RORB: variants seen among roughly 807,000 people sequenced by gnomAD.
RORB encodes the protein nuclear receptor ROR-beta.
Under a neutral mutation model 59.1 loss-of-function variants are expected in RORB, and 6 were observed. The observed-to-expected ratio is 0.10, with a 90% CI of 0.06 to 0.20. RORB has a LOEUF of 0.20. Ranked by LOEUF, RORB falls within the 10% of genes least tolerant of loss-of-function variation. The probability of loss-of-function intolerance (pLI) is 1.00; values close to 1 mark genes in which losing one functional copy is unlikely to be tolerated. For synonymous variants in RORB, 215 were observed against 204.5 expected (o/e 1.05, Z -0.44); for missense variants, 320 against 560.5 (o/e 0.57, Z 4.33).
At chr9:74,648,019 A>G (rs1219882309) in intron 4 of RORB, among the ~76,000 whole-genome samples, 1 of 152,196 alleles carries the variant, frequency 6.6e-6, no homozygotes, top group Admixed American at 6.5e-5. Context: ...AACTCTTGCT[A>G]TATATTTCCT....
chr9:74,540,666 C>T (rs1347663472), intron 1 of RORB, among the ~76,000 whole-genome samples: 1 of 151,626 alleles, frequency 6.6e-6, no homozygotes, highest in Non-Finnish European at 1.5e-5. Flanking sequence ...TTTTAAGCTG[C>T]ATAGTATTAC....
At chr9:74,535,429 G>T (rs949374882) in intron 1 of RORB, among the ~76,000 whole-genome samples, 10 of 151,864 alleles carry the variant, frequency 6.6e-5, no homozygotes, top group African/African-American at 2.4e-4. Context: ...CTGTGCCTAG[G>T]ATGGCAGAAT....
Position 74,688,570 on chromosome 9 carries a change from C to A in RORB, c.*2952C>A. 1 of 145,180 alleles carries A rather than the reference C, an allele frequency of 6.9e-6. No homozygotes were observed. The highest frequency in any genetic ancestry group is 2.4e-4 in the East Asian group (1 of 4,132). The allele number at this position is 145,180 out of a possible 1,614,324, so 9.0% of individuals were successfully genotyped here. On this transcript the variant is annotated 3_prime_UTR_variant, in exon 10 of 10. Coordinates refer to ENST00000376896, the MANE Select transcript of RORB (RefSeq NM_006914.4). ...ATGCAGATGTTGCACTGTATCCACT[C>A]AGGGATGTTTCCTTAAAAAAAAAAA...
In RORB at chr9:74,690,258, T is replaced by A. The variant is rs1824718837; in HGVS notation, c.*4640T>A. Reference sequence around the variant, plus strand: ...CTTTCAAAAAAAAGCTGACACTCTATTCATTTTTGGGTCTCAGGACCAGAG... The same window carrying A: ...CTTTCAAAAAAAAGCTGACACTCTAATCATTTTTGGGTCTCAGGACCAGAG... On this transcript the variant is annotated 3_prime_UTR_variant, in exon 10 of 10. Transcript: ENST00000376896. The A allele has an allele frequency of 6.6e-6, 1 of 152,136 alleles. No individual in the cohort carries two copies. Among genetic ancestry groups the A allele is most frequent in the Admixed American group, 6.6e-5 (1 of 15,258 alleles). 9.4% of individuals were successfully genotyped at this position (152,136 alleles called of 1,614,324 possible). A position where few individuals can be genotyped will look rare whatever the true frequency, so the allele number is the denominator to read the frequency against.
chr9:74,622,227 G>A (rs1204588107), intron 1 of RORB, among the ~76,000 whole-genome samples: 2 of 152,024 alleles, frequency 1.3e-5, no homozygotes, highest in Non-Finnish European at 2.9e-5. Context: ...ACTAAATGTA[G>A]GCTAGAGAAA....
chr9:74,511,404 G>A (rs1473509992), intron 1 of RORB, among the ~76,000 whole-genome samples: 1 of 151,990 alleles, frequency 6.6e-6, no homozygotes, highest in Non-Finnish European at 1.5e-5. Flanking sequence ...ATCACCCCTT[G>A]ATATTAACAT....
intron 1 of RORB, among the ~76,000 whole-genome samples, chr9:74,564,707 C>T (rs1822444714): frequency 6.6e-6 from 1 of 151,994 alleles, no homozygotes; most frequent in Admixed American, 6.6e-5. Context: ...ATTTAAGTCT[C>T]CTTTTTAAAA....
intron 1 of RORB, among the ~76,000 whole-genome samples, chr9:74,569,681 C>T (rs924530598): frequency 3.3e-5 from 5 of 151,804 alleles, no homozygotes; most frequent in African/African-American, 1.2e-4. Flanking sequence ...AAATAATCTA[C>T]AAAATTAAAA....
chr9:74,642,097 AT>A (rs1428684776), intron 3 of RORB, among the ~76,000 whole-genome samples: 2 of 151,970 alleles, frequency 1.3e-5, no homozygotes, highest in African/African-American at 4.8e-5. Flanking sequence ...GGTTTTTTGC[AT>A]TTTTTTCCAC....
intron 1 of RORB, among the ~76,000 whole-genome samples, chr9:74,576,893 G>A (rs563698163): frequency 5.9e-5 from 9 of 152,184 alleles, no homozygotes; most frequent in Middle Eastern, 3.4e-3. Flanking sequence ...TGGGGAAACC[G>A]TGGCAGTAAT....
intron 6 of RORB, 48 bp downstream of exon 6, chr9:74,662,654 C>T (rs1022896641): frequency 1.9e-6 from 3 of 1,597,084 alleles, no homozygotes; most frequent in Admixed American, 3.3e-5. Context: ...AGGATGTGGT[C>T]AGCCCTTAGC....
intron 4 of RORB, among the ~76,000 whole-genome samples, chr9:74,645,342 C>T (rs1362030070): frequency 6.6e-6 from 1 of 152,130 alleles, no homozygotes; most frequent in African/African-American, 2.4e-5. Context: ...AATATTAAAT[C>T]CTTGACAGTA....
rs558818196 is a variant in RORB at position 74,692,709 on chromosome 9, C to G, written c.*7091C>G. On this transcript the variant is annotated 3_prime_UTR_variant, in exon 10 of 10. Transcript: ENST00000376896. The stretch of plus-strand genomic sequence containing the variant: ...CTACTTTTTTAAAAGAATAATGTCT[C>G]TTATAGTCACCATTGATTTTTCTGG... The G allele has an allele frequency of 6.6e-6, 1 of 152,174 alleles. No homozygotes were observed. Among genetic ancestry groups the G allele is most frequent in the Admixed American group, 6.5e-5 (1 of 15,276 alleles). The allele number at this position is 152,174 out of a possible 1,614,324, so 9.4% of individuals were successfully genotyped here. A position where few individuals can be genotyped will look rare whatever the true frequency, so the allele number is the denominator to read the frequency against.
chr9:74,676,717 C>G (rs1824448731), intron 9 of RORB, among the ~76,000 whole-genome samples: 1 of 152,218 alleles, frequency 6.6e-6, no homozygotes, highest in African/African-American at 2.4e-5. Context: ...CTCTCTCTTT[C>G]TTCGTATTTC....
In RORB at chr9:74,687,860, G is replaced by T. The variant is rs972464118; in HGVS notation, c.*2242G>T. The stretch of plus-strand genomic sequence containing the variant: ...GTTTTATGATTGGCTTGTGATAGGC[G>T]ATGCTTCATGTGTCTACTTGGTGTT... On this transcript the variant is annotated 3_prime_UTR_variant, in exon 10 of 10. Coordinates refer to ENST00000376896, the MANE Select transcript of RORB (RefSeq NM_006914.4). 6.6e-6 allele frequency: 1 copy of T among 152,166 alleles called. No individual in the cohort carries two copies. Among genetic ancestry groups the T allele is most frequent in the African/African-American group, 2.4e-5 (1 of 41,440 alleles). 9.4% of individuals were successfully genotyped at this position (152,166 alleles called of 1,614,324 possible). A position where few individuals can be genotyped will look rare whatever the true frequency, so the allele number is the denominator to read the frequency against.
At chr9:74,666,201 C>T (rs1824261690) in intron 7 of RORB, among the ~76,000 whole-genome samples, 1 of 152,084 alleles carries the variant, frequency 6.6e-6, no homozygotes, top group Non-Finnish European at 1.5e-5. Context: ...GCAAGAGAAT[C>T]GCTTGAATGT....
chr9:74,630,112 A>C (rs910747185), intron 1 of RORB, 170 bp from the exon 2 acceptor site: 5 of 385,326 alleles, frequency 1.3e-5, no homozygotes, highest in African/African-American at 4.4e-5. Flanking sequence ...GACTTAGAAG[A>C]AGCTTAGGAC....
At chr9:74,622,425 A>G (rs1475655688) in intron 1 of RORB, among the ~76,000 whole-genome samples, 1 of 150,944 alleles carries the variant, frequency 6.6e-6, no homozygotes, top group African/African-American at 2.4e-5. Flanking sequence ...GGAGATCCTG[A>G]GGGGTAAATT....
chr9:74,659,461 T>C (rs908180471), intron 4 of RORB, among the ~76,000 whole-genome samples: 4 of 152,166 alleles, frequency 2.6e-5, no homozygotes, highest in African/African-American at 9.7e-5. Context: ...TCTAGCCACC[T>C]TCAGGGGACT....
Sources: gnomAD v4.1 joint callset for allele counts (sites outside exome capture counted in the v4.1 genomes callset) on GRCh38, gnomAD v4.1.1 for gene constraint, MANE v1.5 for transcripts, NCBI Gene and HGNC (gene_info 2026-07-23, HGNC 2026-07-21) for gene names.